Variants in NYAP1 observed in about 807,000 individuals in gnomAD.
NYAP1 encodes neuronal tyrosine phosphorylated phosphoinositide-3-kinase adaptor 1.
In NYAP1, 20 loss-of-function variants were observed where a neutral mutation model predicts 58.6. The ratio of observed to expected loss-of-function variants is 0.34; its 90% CI spans 0.24 to 0.50. The LOEUF (loss-of-function observed/expected upper bound fraction) is 0.50, where lower values mean the gene tolerates loss of function less well. Among genes scored for constraint, NYAP1 ranks in the 20% least tolerant of loss-of-function variants. The probability of loss-of-function intolerance (pLI) is 0.98; values close to 1 mark genes in which losing one functional copy is unlikely to be tolerated. For synonymous variants in NYAP1, 572 were observed against 523.1 expected (o/e 1.09, Z -1.27); for missense variants, 1,150 against 1,194.5 (o/e 0.96, Z 0.55).
chr7:100,490,475 C>T lies in NYAP1; in HGVS notation c.1946-42C>T, dbSNP rs1318900763. Reference sequence around the variant, plus strand: ...TGTGGCCAGAGGGACAGAATGACGCCTCCAACATGCAGGCACACAGCTCTC... The same window carrying T: ...TGTGGCCAGAGGGACAGAATGACGCTTCCAACATGCAGGCACACAGCTCTC... On this transcript the variant is annotated intron_variant, in intron 4 of 6. Transcript: ENST00000300179. The surrounding 1 kb of genome is among the most constrained non-coding windows in gnomAD (Gnocchi z 4.6). 2.6e-6 allele frequency: 4 copies of T among 1,536,166 alleles called. No homozygotes were observed. The Admixed American group carries it at 7.8e-5, about 30-fold the overall frequency.
At position 100,485,335 on chromosome 7, in the gene NYAP1, C is replaced by A; in HGVS notation, c.24C>A (p.Thr8=). The A allele has an allele frequency of 6.2e-7, 1 of 1,602,596 alleles. No homozygotes were observed. The highest frequency in any genetic ancestry group is 8.5e-7 in the Non-Finnish European group (1 of 1,174,014). MNLLYRK[T]KLEWRQHKEE... is the part of the protein sequence containing the mutation. ...AGATGAACCTCCTCTACCGAAAAAC[C>A]AAGCTGGAGTGGAGGCAGCACAAGG... The change falls in exon 2 of 7, where the codon ACC becomes ACA. Residue 8 remains threonine, a synonymous_variant. Transcript: ENST00000300179. The surrounding 1 kb of genome is among the most constrained non-coding windows in gnomAD (Gnocchi z 5.7).
rs1362247550 is a variant in NYAP1, at chr7:100,487,076, C to A, written c.324C>A (p.Asp108Glu). 1.3e-6 allele frequency: 2 copies of A among 1,596,602 alleles called. No homozygotes were observed. Among genetic ancestry groups the A allele is most frequent in the Non-Finnish European group, 1.7e-6 (2 of 1,171,676 alleles). Reference protein sequence around the residue: ...PGGASGGLTEDSSTRRPPAKP... With the variant: ...PGGASGGLTEESSTRRPPAKP... Reference sequence around the variant, plus strand: ...GGGCCAGTGGGGGCCTCACAGAGGACAGCAGCACCCGAAGACCCCCTGCCA... The same window carrying A: ...GGGCCAGTGGGGGCCTCACAGAGGAAAGCAGCACCCGAAGACCCCCTGCCA... Residue 108 changes from aspartate (D) to glutamate (E), a missense_variant, in exon 3 of 7, where the codon GAC becomes GAA. Transcript: ENST00000300179. The surrounding 1 kb of genome is among the most constrained non-coding windows in gnomAD (Gnocchi z 4.1).
rs1370007903 is a variant in NYAP1 at position 100,488,947 on chromosome 7, C to T, written c.1226C>T (p.Pro409Leu). The T allele has an allele frequency of 3.2e-6, 5 of 1,568,502 alleles. No homozygotes were observed. The highest frequency in any genetic ancestry group is 3.4e-6 in the Non-Finnish European group (4 of 1,165,364). Residue 409 changes from proline (P) to leucine (L), a missense_variant, in exon 4 of 7, where the codon CCG becomes CTG. Coordinates refer to ENST00000300179, the MANE Select transcript of NYAP1 (RefSeq NM_173564.4). The surrounding 1 kb of genome is among the most constrained non-coding windows in gnomAD (Gnocchi z 5.9). ...PSGRARSHST[P>L]LPPQGSGQPR... Reference sequence around the variant, plus strand: ...GGCCGGGCCCGGAGCCACTCGACACCGTTGCCACCCCAGGGCTCTGGCCAG... The same window carrying T: ...GGCCGGGCCCGGAGCCACTCGACACTGTTGCCACCCCAGGGCTCTGGCCAG...
chr7:100,493,673 C>A lies in NYAP1; in HGVS notation c.2296C>A (p.Pro766Thr). The change falls in exon 7 of 7, where the codon CCC (proline) becomes ACC (threonine). Residue 766 changes from proline (P) to threonine (T), a missense_variant. Transcript: ENST00000300179. ...CCACCCCGCGCTGCCGCTGCCTCTG[C>A]CCCTGCCGCCCCAGCCGGCCCGCGA... ...QPHPALPLPL[P>T]LPPQPARERD... The A allele has an allele frequency of 6.3e-7, 1 of 1,586,662 alleles. No individual in the cohort carries two copies. The highest frequency in any genetic ancestry group is 1.7e-5 in the Admixed American group (1 of 57,628).
At chr7:100,492,607 A>G (rs1039665027) in intron 6 of NYAP1, among the ~76,000 whole-genome samples, 3 of 152,182 alleles carry the variant, frequency 2.0e-5, no homozygotes, top group Non-Finnish European at 2.9e-5. Flanking sequence ...AAAAGAAATA[A>G]AAATAAAGAG....
Position 100,488,343 on chromosome 7 carries a change from G to A in NYAP1, c.622G>A (p.Val208Met). The change falls in exon 4 of 7, where the codon GTG becomes ATG. Residue 208 changes from valine to methionine, a missense_variant. Physicochemically the swap from Val to Met is conservative, Grantham distance 21. Transcript: ENST00000300179. The surrounding 1 kb of genome is among the most constrained non-coding windows in gnomAD (Gnocchi z 5.9). ...RGSRVAGDPD[V>M]GAQEEPVYIE... ...GTCCCGAGTAGCTGGGGACCCTGATGTGGGTGCCCAGGAAGAGCCTGTGTA... is the reference window on the plus strand; with the variant it reads ...GTCCCGAGTAGCTGGGGACCCTGATATGGGTGCCCAGGAAGAGCCTGTGTA... 2 of 1,606,618 alleles carry A rather than the reference G, an allele frequency of 1.2e-6. No individual in the cohort carries two copies. The highest frequency in any genetic ancestry group is 1.3e-5 in the African/African-American group (1 of 74,512).
rs141533724 is a variant in NYAP1, at chr7:100,488,528, G to A, written c.807G>A (p.Pro269=). The A allele has an allele frequency of 1.7e-5, 28 of 1,612,360 alleles. No homozygotes were observed. Among genetic ancestry groups the A allele is most frequent in the Middle Eastern group, 1.7e-4 (1 of 6,060 alleles). ...ATGAAGAGATGAAGTACCCGCTGCC[G>A]GAAGAGGCTGGGGAAGGCCGGGCCA... ...AIYEEMKYPL[P]EEAGEGRANG... Residue 269 remains proline (P), a synonymous_variant, in exon 4 of 7, where the codon CCG becomes CCA. Transcript: ENST00000300179. This position sits in a 1 kb window ranked among gnomAD's most constrained non-coding sequence, Gnocchi z 5.9.
chr7:100,485,410 C>G lies in NYAP1; in HGVS notation c.68+31C>G. 6.5e-7 allele frequency: 1 copy of G among 1,534,106 alleles called. No individual in the cohort carries two copies. The highest frequency in any genetic ancestry group is 1.4e-5 in the African/African-American group (1 of 73,362). On this transcript the variant is annotated intron_variant, in intron 2 of 6. Transcript: ENST00000300179. The surrounding 1 kb of genome is among the most constrained non-coding windows in gnomAD (Gnocchi z 5.7). ...GCTGCACCCCAGACTGCTCCCTTCCCTTCCGCACCTCTGCCTGCCCCCTCA... is the reference window on the plus strand; with the variant it reads ...GCTGCACCCCAGACTGCTCCCTTCCGTTCCGCACCTCTGCCTGCCCCCTCA...
rs1014567359 is a variant in NYAP1 at position 100,489,587 on chromosome 7, G to A, written c.1866G>A (p.Val622=). 4 of 1,613,064 alleles carry A rather than the reference G, an allele frequency of 2.5e-6. No individual in the cohort carries two copies. In the African/African-American group the frequency reaches 4.0e-5, roughly 16 times the overall value. ...CACCAGAGGAGGAAGAAGAGGAGGT[G>A]GGCGCCGCGACATTTGGGGCAGGCT... is the stretch of plus-strand genomic sequence containing the variant. ...AGTPEEEEEE[V]GAATFGAGWA... The change falls in exon 4 of 7, where the codon GTG becomes GTA. Residue 622 remains valine, a synonymous_variant. Coordinates refer to ENST00000300179, the MANE Select transcript of NYAP1 (RefSeq NM_173564.4).
intron 6 of NYAP1, among the ~76,000 whole-genome samples, chr7:100,493,013 AAAGGGAGG>A (rs1799817666): frequency 1.3e-5 from 2 of 151,928 alleles, no homozygotes; most frequent in Non-Finnish European, 2.9e-5. Context: ...AGAAAGAAAG[AAAGGGAGG>A]AAAGGAGGAA....
Position 100,489,620 on chromosome 7 carries a change from G to T in NYAP1, c.1899G>T (p.Leu633=). The change falls in exon 4 of 7, where the codon CTG becomes CTT. Residue 633 remains leucine (L), a synonymous_variant. Transcript: ENST00000300179. ...GAATFGAGWA[L]QRKVLYGGRK... The stretch of plus-strand genomic sequence containing the variant: ...CGACATTTGGGGCAGGCTGGGCCCT[G>T]CAGAGGAAGGTCCTCTATGGAGGGA... 6.3e-7 allele frequency: 1 copy of T among 1,586,348 alleles called. No homozygotes were observed. Among genetic ancestry groups the T allele is most frequent in the Admixed American group, 1.7e-5 (1 of 58,972 alleles).
At chr7:100,484,905 C>T (rs1799684368) in intron 1 of NYAP1, among the ~76,000 whole-genome samples, 1 of 151,942 alleles carries the variant, frequency 6.6e-6, no homozygotes, top group African/African-American at 2.4e-5. Context: ...GTTTGTGTGT[C>T]TGAATGTGTA....
Position 100,488,666 on chromosome 7 carries a change from C to G in NYAP1, c.945C>G (p.Pro315=). Residue 315 remains proline (P), a synonymous_variant, in exon 4 of 7, where the codon CCC becomes CCG. Transcript: ENST00000300179. The surrounding 1 kb of genome is among the most constrained non-coding windows in gnomAD (Gnocchi z 5.9). ...TCCCGAGCCGGAGGGACGGGACGCC[C>G]ACCAAGACCACTCCTTGTGAAATCC... The part of the protein sequence containing the change: ...SALPSRRDGT[P]TKTTPCEIPP... 1 of 1,611,480 alleles carries G rather than the reference C, an allele frequency of 6.2e-7. No homozygotes were observed. The highest frequency in any genetic ancestry group is 8.5e-7 in the Non-Finnish European group (1 of 1,179,462).
In NYAP1 at chr7:100,485,442, C is replaced by T; in HGVS notation, c.68+63C>T. The stretch of plus-strand genomic sequence containing the variant: ...ACCTCTGCCTGCCCCCTCACTGGGC[C>T]ACAGCCCTTCTCGGGGGCCGGCAGC... On this transcript the variant is annotated intron_variant, in intron 2 of 6. Transcript: ENST00000300179. The surrounding 1 kb of genome is among the most constrained non-coding windows in gnomAD (Gnocchi z 5.7). 7.6e-7 allele frequency: 1 copy of T among 1,318,330 alleles called. No individual in the cohort carries two copies. The allele number at this position is 1,318,330 out of a possible 1,614,324, so 81.7% of individuals were successfully genotyped here. A position where few individuals can be genotyped will look rare whatever the true frequency, so the allele number is the denominator to read the frequency against.
In NYAP1 at chr7:100,493,813, C is replaced by T. The variant is rs892048525; in HGVS notation, c.2436C>T (p.Leu812=). ...GCAAGCAGGAGAGCATGCCCATCCT[C>T]CCCAGCTGGCGGCGGGGACCCGAGC... The part of the protein sequence containing the change: ...GLCKQESMPI[L]PSWRRGPEPR... The change falls in exon 7 of 7, where the codon CTC becomes CTT. Residue 812 remains leucine, a synonymous_variant. Coordinates refer to ENST00000300179, the MANE Select transcript of NYAP1 (RefSeq NM_173564.4). 4 of 1,589,100 alleles carry T rather than the reference C, an allele frequency of 2.5e-6. No individual in the cohort carries two copies. The highest frequency in any genetic ancestry group is 1.7e-6 in the Non-Finnish European group (2 of 1,171,472).
At position 100,490,683 on chromosome 7, in the gene NYAP1, G is replaced by A. The variant is rs910836632; in HGVS notation, c.2112G>A (p.Ala704=). The A allele has an allele frequency of 5.8e-6, 9 of 1,547,268 alleles. No homozygotes were observed. The East Asian group carries it at 1.2e-4, about 20-fold the overall frequency. ...GAGACCGAGGAGGGAGCCGCACCGC[G>A]CTGCCCATTCCCTGCCAGACCTTCC... The part of the protein sequence containing the change: ...HHGDRGGSRT[A]LPIPCQTFPA... Residue 704 remains alanine, a synonymous_variant, in exon 5 of 7, where the codon GCG becomes GCA. Coordinates refer to ENST00000300179, the MANE Select transcript of NYAP1 (RefSeq NM_173564.4). The surrounding 1 kb of genome is among the most constrained non-coding windows in gnomAD (Gnocchi z 4.6).
chr7:100,486,949 C>G lies in NYAP1; in HGVS notation c.197C>G (p.Ser66Cys). Residue 66 changes from serine to cysteine, a missense_variant, in exon 3 of 7, where the codon TCC becomes TGC. By Grantham distance (112) the Ser-to-Cys change is moderately radical. Transcript: ENST00000300179. This position sits in a 1 kb window ranked among gnomAD's most constrained non-coding sequence, Gnocchi z 6.2. ...ATGGGTTTCATGACGATGCCCGCCT[C>G]CCAGGAGCACACCCCGCACCCCTGC... ...LRMGFMTMPA[S>C]QEHTPHPCRS... 1 of 1,605,310 alleles carries G rather than the reference C, an allele frequency of 6.2e-7. No homozygotes were observed. The highest frequency in any genetic ancestry group is 2.2e-5 in the East Asian group (1 of 44,612).
rs1799718951 is a variant in NYAP1 at position 100,487,277 on chromosome 7, A to G, written c.430+95A>G. 1 of 1,307,066 alleles carries G rather than the reference A, an allele frequency of 7.7e-7. No homozygotes were observed. The highest frequency in any genetic ancestry group is 1.5e-5 in the African/African-American group (1 of 64,672). 81.0% of individuals were successfully genotyped at this position (1,307,066 alleles called of 1,614,324 possible). On this transcript the variant is annotated intron_variant, in intron 3 of 6. Coordinates refer to ENST00000300179, the MANE Select transcript of NYAP1 (RefSeq NM_173564.4). This position sits in a 1 kb window ranked among gnomAD's most constrained non-coding sequence, Gnocchi z 4.1. The stretch of plus-strand genomic sequence containing the variant: ...GCTTGCCGGGAGGGTTCATTCAGGG[A>G]AGAACCAAGGAAGTGGAAGATTCCA...
At position 100,488,924 on chromosome 7, in the gene NYAP1, C is replaced by G. The variant is rs781163986; in HGVS notation, c.1203C>G (p.Gly401=). The G allele has an allele frequency of 6.3e-7, 1 of 1,581,476 alleles. No individual in the cohort carries two copies. The highest frequency in any genetic ancestry group is 8.6e-7 in the Non-Finnish European group (1 of 1,169,546). ...AANLLLLGPS[G]RARSHSTPLP... is the part of the protein sequence containing the mutation. The stretch of plus-strand genomic sequence containing the variant: ...ACCTGCTGCTGCTGGGACCATCGGG[C>G]CGGGCCCGGAGCCACTCGACACCGT... Residue 401 remains glycine, a synonymous_variant, in exon 4 of 7, where the codon GGC becomes GGG. Transcript: ENST00000300179. This position sits in a 1 kb window ranked among gnomAD's most constrained non-coding sequence, Gnocchi z 5.9.
Sources: allele counts gnomAD v4.1 joint callset (sites outside exome capture counted in the v4.1 genomes callset), GRCh38; gene constraint gnomAD v4.1.1; non-coding constraint Gnocchi (gnomAD v3.1); transcripts MANE v1.5; gene names NCBI Gene and HGNC (gene_info 2026-07-23, HGNC 2026-07-21).